DNAI7: variants seen among roughly 807,000 people sequenced by gnomAD.
The protein encoded by DNAI7 is dynein axonemal intermediate chain 7, also known as cancer susceptibility 1.
In DNAI7, 78 loss-of-function variants were observed where a neutral mutation model predicts 86.6. The ratio of observed to expected loss-of-function variants is 0.90; its 90% confidence interval spans 0.75 to 1.09. The LOEUF (loss-of-function observed/expected upper bound fraction) is 1.09. DNAI7 is among the 50% of genes least tolerant of loss of function. DNAI7 has a pLI of 0.00. For missense variants in DNAI7, 753 were observed against 810.2 expected (o/e 0.93, Z 0.86); for synonymous variants, 274 against 273.0 (o/e 1.00, Z -0.04).
intron 6 of DNAI7, among the ~76,000 whole-genome samples, chr12:25,153,578 C>T (rs1396959708): frequency 6.6e-6 from 1 of 152,166 alleles, no homozygotes; most frequent in Non-Finnish European, 1.5e-5. Context: ...CCCAGCCATA[C>T]AGGAGTCTCT....
At chr12:25,108,019 C>T, downstream of DNAI7, 1 of 1,614,052 alleles carries the variant, frequency 6.2e-7, no homozygotes, top group Non-Finnish European at 8.5e-7. Flanking sequence ...TATCTTGTGG[C>T]CATTTACCAG....
rs547748757 is a variant in DNAI7, at chr12:25,194,985, A to G, written c.3+91T>C. 27 of 1,614,188 alleles carry G rather than the reference A, an allele frequency of 1.7e-5. No individual in the cohort carries two copies. The South Asian group carries it at 2.7e-4, about 16-fold the overall frequency. On this transcript the variant is annotated intron_variant, in intron 1 of 15. Transcript: ENST00000395987. The stretch of plus-strand genomic sequence containing the variant: ...CCAAACCGACCCGCTTCGCTGTAAA[A>G]TATGACTGGCTCTTGATTACATTAT...
intron 8 of DNAI7, among the ~76,000 whole-genome samples, chr12:25,144,951 TTGA>T (rs1944645019): frequency 6.6e-6 from 1 of 152,188 alleles, no homozygotes; most frequent in Non-Finnish European, 1.5e-5. Context: ...CCCTTCAATG[TTGA>T]TATTACTCAG....
chr12:25,160,806 T>A (rs1462774962), intron 3 of DNAI7, among the ~76,000 whole-genome samples: 3 of 152,182 alleles, frequency 2.0e-5, no homozygotes, highest in Non-Finnish European at 4.4e-5. Flanking sequence ...ATTTTTTTTT[T>A]AAGTTAAGTA....
chr12:25,137,019 GT>G (rs1001303805), intron 9 of DNAI7, among the ~76,000 whole-genome samples: 19 of 152,228 alleles, frequency 1.2e-4, no homozygotes, highest in African/African-American at 3.9e-4. Context: ...AACTTCCCTG[GT>G]TTTTGCCAGA....
chr12:25,138,785 C>T (rs1298433318), intron 9 of DNAI7, among the ~76,000 whole-genome samples: 1 of 109,912 alleles, frequency 9.1e-6, no homozygotes, highest in Non-Finnish European at 2.1e-5. Flanking sequence ...TCTGAAGACA[C>T]ACCTCAAGGA....
At chr12:25,182,796 C>G (rs1375432227) in intron 2 of DNAI7, among the ~76,000 whole-genome samples, 2 of 147,212 alleles carry the variant, frequency 1.4e-5, no homozygotes, top group Admixed American at 1.4e-4. Context: ...TGGTGGCACA[C>G]GTCTGTGGTC....
In DNAI7 at chr12:25,111,902, T is replaced by C; in HGVS notation, c.1649A>G (p.Asp550Gly). 6.2e-7 allele frequency: 1 copy of C among 1,601,004 alleles called. No homozygotes were observed. Among genetic ancestry groups the C allele is most frequent in the Non-Finnish European group, 8.5e-7 (1 of 1,174,816 alleles). The change falls in exon 14 of 16, where the codon GAC (aspartate) becomes GGC (glycine). Residue 550 changes from aspartate (D) to glycine (G), a missense_variant. Transcript: ENST00000395987. ...TTCCAAAATAGAGATGTGTTTCTTG[T>C]CTTTTAGTTTGATTGAAGATAACAT... is the stretch of plus-strand genomic sequence containing the variant. ...LCMLSSIKLK[D>G]KKHISILEGT... is the part of the protein sequence containing the mutation.
Position 25,154,404 on chromosome 12 carries a change from T to A in DNAI7, c.353A>T (p.Glu118Val), listed in dbSNP as rs913970883. 2.5e-6 allele frequency: 4 copies of A among 1,611,528 alleles called. No individual in the cohort carries two copies. Among genetic ancestry groups the A allele is most frequent in the Non-Finnish European group, 3.4e-6 (4 of 1,179,390 alleles). Reference sequence around the variant, plus strand: ...CCACAAACTAATAAACGTGTTCATTTCTTGGGCTACTGAAGGATCAGGACT... The same window carrying A: ...CCACAAACTAATAAACGTGTTCATTACTTGGGCTACTGAAGGATCAGGACT... ...DGSPDPSVAQEMNTFISLWKE... is the reference protein window; with the variant it reads ...DGSPDPSVAQVMNTFISLWKE... The change falls in exon 6 of 16, where the codon GAA (glutamate) becomes GTA (valine). Residue 118 changes from glutamate (E) to valine (V), a missense_variant. Transcript: ENST00000395987.
Position 25,164,754 on chromosome 12 carries a change from C to T in DNAI7, c.22-3557G>A, listed in dbSNP as rs181454540. ...CTGTCCCCTCAGTCCCAACCCCACGCGTCGCTGAGTCTTCCTAATCTTTCT... is the reference window on the plus strand; with the variant it reads ...CTGTCCCCTCAGTCCCAACCCCACGTGTCGCTGAGTCTTCCTAATCTTTCT... On this transcript the variant is annotated intron_variant, in intron 2 of 15. Coordinates refer to ENST00000395987, the MANE Select transcript of DNAI7 (RefSeq NM_018272.5). Among the ~76,000 whole-genome samples, 62 of 152,206 alleles carry T rather than the reference C, an allele frequency of 4.1e-4. No individual in the cohort carries two copies. In the East Asian group the frequency reaches 7.7e-3, roughly 19 times the overall value.
chr12:25,170,222 C>G (rs1188397911), intron 2 of DNAI7, among the ~76,000 whole-genome samples: 1 of 151,936 alleles, frequency 6.6e-6, no homozygotes, highest in Non-Finnish European at 1.5e-5. Context: ...GAAACTCTGT[C>G]TCTACTAAAA....
At chr12:25,178,863 T>G (rs1949235829) in intron 2 of DNAI7, among the ~76,000 whole-genome samples, 1 of 152,098 alleles carries the variant, frequency 6.6e-6, no homozygotes, top group Admixed American at 6.6e-5. Context: ...TCTATTAATG[T>G]CCATATTTGT....
chr12:25,135,617 C>T (rs1156562759), intron 9 of DNAI7, among the ~76,000 whole-genome samples: 1 of 152,152 alleles, frequency 6.6e-6, no homozygotes, highest in Non-Finnish European at 1.5e-5. Context: ...GGCAAGATCT[C>T]AGCCCTACTC....
chr12:25,182,531 C>T (rs1450730720), intron 2 of DNAI7, among the ~76,000 whole-genome samples: 2 of 150,650 alleles, frequency 1.3e-5, no homozygotes, highest in Non-Finnish European at 3.0e-5. Context: ...ATTGCTTGAG[C>T]CTGGGAGGTC....
chr12:25,124,788 G>A (rs1941875054), intron 9 of DNAI7, among the ~76,000 whole-genome samples: 1 of 152,048 alleles, frequency 6.6e-6, no homozygotes, highest in Non-Finnish European at 1.5e-5. Flanking sequence ...CTACTCCTAA[G>A]TAGGCCCCAG....
At chr12:25,164,464 C>T (rs1947205475) in intron 2 of DNAI7, among the ~76,000 whole-genome samples, 1 of 152,120 alleles carries the variant, frequency 6.6e-6, no homozygotes, top group Admixed American at 6.6e-5. Context: ...AACCTAAAAC[C>T]TCTTCAACTC....
In DNAI7 at chr12:25,116,662, G is replaced by A. The variant is rs559618081; in HGVS notation, c.1397-1792C>T. 2.6e-5 allele frequency among the ~76,000 whole-genome samples: 4 copies of A among 152,224 alleles called. No individual in the cohort carries two copies. The South Asian group carries it at 8.3e-4, about 32-fold the overall frequency. On this transcript the variant is annotated intron_variant, in intron 12 of 15. Coordinates refer to ENST00000395987, the MANE Select transcript of DNAI7 (RefSeq NM_018272.5). ...TTACAGGCACGTGACACCACGCCTG[G>A]CTAATTTTTTTAAGTAGAGACAGGG...
intron 2 of DNAI7, among the ~76,000 whole-genome samples, chr12:25,182,991 G>A (rs956155614): frequency 6.6e-6 from 1 of 151,368 alleles, no homozygotes; most frequent in African/African-American, 2.4e-5. Flanking sequence ...AGGAGAGAAG[G>A]AGAGAAAGAA....
At chr12:25,126,659 A>T (rs1471372659) in intron 9 of DNAI7, among the ~76,000 whole-genome samples, 1 of 152,166 alleles carries the variant, frequency 6.6e-6, no homozygotes, top group African/African-American at 2.4e-5. Flanking sequence ...GAGGAAGGAC[A>T]GGTTTGGGGG....
Sources: allele counts gnomAD v4.1 joint callset (sites outside exome capture counted in the v4.1 genomes callset), GRCh38; gene constraint gnomAD v4.1.1; transcripts MANE v1.5; gene names NCBI Gene and HGNC (gene_info 2026-07-23, HGNC 2026-07-21).